The following ZNF365 variants were observed in gnomAD, a reference collection of about 807,000 sequenced individuals.
ZNF365 encodes protein ZNF365.
ZNF365 carries 22 observed loss-of-function variants against 35.0 expected under a neutral mutation model. The ratio of observed to expected loss-of-function variants is 0.63; its 90% CI spans 0.45 to 0.90. ZNF365 has a LOEUF of 0.90. ZNF365 is among the 40% of genes least tolerant of loss of function. The pLI is 0.00. For synonymous variants in ZNF365, 188 were observed against 196.2 expected (o/e 0.96, Z 0.35); for missense variants, 448 against 500.3 (o/e 0.90, Z 1.00).
At chr10:62,435,718 G>A (rs1840396436) in intron 3 of ZNF365, among the ~76,000 whole-genome samples, 2 of 152,176 alleles carry the variant, frequency 1.3e-5, no homozygotes, top group Non-Finnish European at 2.9e-5. Flanking sequence ...TTTTTACCAT[G>A]GATATTTACA....
intron 3 of ZNF365, among the ~76,000 whole-genome samples, chr10:62,407,859 T>G (rs1303000575): frequency 6.6e-6 from 1 of 152,206 alleles, no homozygotes; most frequent in Non-Finnish European, 1.5e-5. Flanking sequence ...AGACATAGCC[T>G]CAGAATCCTT....
downstream of ZNF365, among the ~76,000 whole-genome samples, chr10:62,403,521 A>G (rs1301259739): frequency 6.6e-6 from 1 of 152,086 alleles, no homozygotes. Flanking sequence ...AGCCGGGCGC[A>G]GTGGCGGGCG....
chr10:62,479,851 C>T, intron 4 of ZNF365: 1 of 1,557,936 alleles, frequency 6.4e-7, no homozygotes, highest in South Asian at 1.1e-5. Context: ...ACTCTACTAA[C>T]TTTCCTTTTG....
intron 3 of ZNF365, among the ~76,000 whole-genome samples, chr10:62,435,297 C>G (rs57453897): frequency 0.14 from 20,914 of 152,070 alleles, 1,558 homozygotes; most frequent in African/African-American, 0.19. Flanking sequence ...AAGACCAGCA[C>G]CCAGGTCTAG....
intron 3 of ZNF365, among the ~76,000 whole-genome samples, chr10:62,450,867 C>T (rs1840672006): frequency 6.6e-6 from 1 of 152,216 alleles, no homozygotes; most frequent in Non-Finnish European, 1.5e-5. Context: ...GAGACTTCCT[C>T]TAAATGAACC....
Position 62,400,429 on chromosome 10 carries a change from T to C in ZNF365, c.*640T>C. ...CGTTTGTTTGATTGAGGTTTTTTGG[T>C]GGCCTAGATGCATGTTTATTCAGAT... is the stretch of plus-strand genomic sequence containing the variant. On this transcript the variant is annotated 3_prime_UTR_variant, in exon 5 of 5. Transcript: ENST00000395254. 1.0e-6 allele frequency: 1 copy of C among 986,154 alleles called. No homozygotes were observed. The highest frequency in any genetic ancestry group is 1.2e-6 in the Non-Finnish European group (1 of 830,064). 61.1% of individuals were successfully genotyped at this position (986,154 alleles called of 1,614,324 possible).
At chr10:62,389,434 G>GT (rs746375623) in intron 3 of ZNF365, among the ~76,000 whole-genome samples, 2 of 101,062 alleles carry the variant, frequency 2.0e-5, no homozygotes, top group African/African-American at 5.6e-5. Context: ...TTTAAAAATA[G>GT]TTTTGTTTTT....
chr10:62,450,618 C>T (rs1483915673), intron 3 of ZNF365, among the ~76,000 whole-genome samples: 1 of 152,128 alleles, frequency 6.6e-6, no homozygotes, highest in Non-Finnish European at 1.5e-5. Flanking sequence ...TATTCTTCTC[C>T]AAGTAAAGTT....
At chr10:62,457,293 GAGA>G (rs1209690154) in intron 3 of ZNF365, among the ~76,000 whole-genome samples, 2 of 152,230 alleles carry the variant, frequency 1.3e-5, no homozygotes, top group African/African-American at 4.8e-5. Context: ...CCATGAAAGT[GAGA>G]AGGAGGCAGA....
At chr10:62,442,549 G>T (rs1232014945) in intron 3 of ZNF365, among the ~76,000 whole-genome samples, 1 of 152,150 alleles carries the variant, frequency 6.6e-6, no homozygotes, top group Non-Finnish European at 1.5e-5. Context: ...TTTCTTGCTT[G>T]TTACCTTTAG....
At chr10:62,429,203 T>C (rs775379041) in intron 3 of ZNF365, among the ~76,000 whole-genome samples, 1 of 152,222 alleles carries the variant, frequency 6.6e-6, no homozygotes, top group East Asian at 1.9e-4. Flanking sequence ...ATGGTTGTCA[T>C]TGTTGCATCT....
In ZNF365 at chr10:62,478,597, G is replaced by T. The variant is rs530906855; in HGVS notation, c.982-1279G>T. Among the ~76,000 whole-genome samples, 96 of 152,200 alleles carry T rather than the reference G, an allele frequency of 6.3e-4. 1 individual carries two copies. The highest frequency in any genetic ancestry group is 2.1e-3 in the African/African-American group (89 of 41,528). On this transcript the variant is annotated intron_variant, in intron 4 of 4. Coordinates refer to the ZNF365 transcript ENST00000395255. The stretch of plus-strand genomic sequence containing the variant: ...TGTTTGTTGTTTGTTTTTTTGAGAC[G>T]GAGTCTCGCTCTGTCACCCAGGCTG...
At chr10:62,451,299 T>C (rs1840680628) in intron 3 of ZNF365, among the ~76,000 whole-genome samples, 1 of 152,162 alleles carries the variant, frequency 6.6e-6, no homozygotes, top group South Asian at 2.1e-4. Context: ...TTGTTTTGCT[T>C]GTGGTGCCTG....
intron 4 of ZNF365, among the ~76,000 whole-genome samples, chr10:62,460,261 A>G (rs1840826216): frequency 6.6e-6 from 1 of 152,176 alleles, no homozygotes; most frequent in Non-Finnish European, 1.5e-5. Context: ...CCCTGCAGAG[A>G]TATATATTAA....
Position 62,399,539 on chromosome 10 carries a change from A to G in ZNF365, c.974A>G (p.His325Arg). 11 of 1,613,956 alleles carry G rather than the reference A, an allele frequency of 6.8e-6. No homozygotes were observed. Among genetic ancestry groups the G allele is most frequent in the Non-Finnish European group, 9.3e-6 (11 of 1,179,962 alleles). ...NRKPKCLSRG[H>R]PHSVCNHPDL... ...CCAACCCTCTGTAGAAGCCGAGGGC[A>G]CCCGCATTCGGTATGTAACCACCCT... is the stretch of plus-strand genomic sequence containing the variant. Residue 325 changes from histidine (H) to arginine (R), a missense_variant, in exon 5 of 5, where the codon CAC (histidine) becomes CGC (arginine). This residue lies in a region of ZNF365 where 362 missense variants were observed against 375.7 expected (regional missense o/e 0.96). Coordinates refer to ENST00000395254, the MANE Select transcript of ZNF365 (RefSeq NM_014951.3).
At chr10:62,463,887 C>CT (rs199629433) in intron 4 of ZNF365, among the ~76,000 whole-genome samples, 5,989 of 152,294 alleles carry the variant, frequency 0.039, 180 homozygotes, top group Middle Eastern at 0.065. Context: ...CTACTACCAA[C>CT]TAACAGGTCA....
At chr10:62,462,532 T>C (rs1840864656) in intron 4 of ZNF365, among the ~76,000 whole-genome samples, 1 of 152,082 alleles carries the variant, frequency 6.6e-6, no homozygotes, top group African/African-American at 2.4e-5. Flanking sequence ...ATAGCAGAGA[T>C]GAGATCTAAG....
chr10:62,377,282 G>T (rs1370259953), intron 2 of ZNF365, among the ~76,000 whole-genome samples: 1 of 152,234 alleles, frequency 6.6e-6, no homozygotes, highest in Admixed American at 6.5e-5. Flanking sequence ...TGGGAAGGCA[G>T]AAAGGGTGAG....
At chr10:62,409,639 G>A (rs952182104) in intron 3 of ZNF365, among the ~76,000 whole-genome samples, 4 of 152,184 alleles carry the variant, frequency 2.6e-5, no homozygotes, top group Non-Finnish European at 4.4e-5. Context: ...CAGGTACAGA[G>A]TACTACATAT....
Sources: allele counts gnomAD v4.1 joint callset (sites outside exome capture counted in the v4.1 genomes callset), GRCh38; gene constraint gnomAD v4.1.1; regional missense constraint gnomAD v4.1.1; transcripts MANE v1.5; gene names NCBI Gene and HGNC (gene_info 2026-07-23, HGNC 2026-07-21).